The following TFEB variants were observed in gnomAD, a reference collection of about 807,000 sequenced individuals.
TFEB encodes the protein T-cell transcription factor EB.
Under a neutral mutation model 48.0 loss-of-function variants are expected in TFEB, and 12 were observed. The observed-to-expected ratio is 0.25, with a 90% CI of 0.16 to 0.40. The LOEUF (loss-of-function observed/expected upper bound fraction) is 0.40. Among genes scored for constraint, TFEB ranks in the 10% least tolerant of loss-of-function variants. TFEB has a pLI of 1.00. For missense variants in TFEB, 509 were observed against 640.3 expected, an observed-to-expected ratio of 0.79 and a Z score of 2.21; for synonymous variants, 244 against 261.4, an observed-to-expected ratio of 0.93 and a Z score of 0.64.
upstream of TFEB, chr6:41,736,105 G>C: frequency 1.2e-6 from 2 of 1,612,528 alleles, no homozygotes; most frequent in South Asian, 2.2e-5. Context: ...GTAGAAGGCA[G>C]CCTGCCCCCA....
chr6:41,688,944 G>C (rs987204246), intron 4 of TFEB, among the ~76,000 whole-genome samples: 9 of 152,198 alleles, frequency 5.9e-5, no homozygotes, highest in African/African-American at 2.2e-4. Context: ...AGGTTCAGGA[G>C]CTCCAAAGAA....
intron 1 of TFEB, among the ~76,000 whole-genome samples, chr6:41,713,762 A>C (rs1287367635): frequency 6.6e-6 from 1 of 152,160 alleles, no homozygotes; most frequent in Non-Finnish European, 1.5e-5. Flanking sequence ...ACAGGAGCTA[A>C]CTGGCCCTGC....
intron 1 of TFEB, among the ~76,000 whole-genome samples, chr6:41,719,622 G>A (rs1031801490): frequency 6.6e-6 from 1 of 152,210 alleles, no homozygotes; most frequent in South Asian, 2.1e-4. Context: ...TGGCATGCAG[G>A]TCATGTGGCA....
At position 41,719,094 on chromosome 6, in the gene TFEB, T is replaced by C. The variant is rs1446759731; in HGVS notation, c.-23+16256A>G. On this transcript the variant is annotated intron_variant, in intron 1 of 8. Coordinates refer to ENST00000373033, the MANE Select transcript of TFEB (RefSeq NM_001271944.2). ...GCTCCACCTCCTGTCAGATCAGCAGTGGCACTGGATTCTTATAGGAGTGCA... is the reference window on the plus strand; with the variant it reads ...GCTCCACCTCCTGTCAGATCAGCAGCGGCACTGGATTCTTATAGGAGTGCA... Among the ~76,000 whole-genome samples the C allele has an allele frequency of 2.0e-5, 3 of 152,180 alleles. No individual in the cohort carries two copies. In the South Asian group the frequency reaches 6.2e-4, roughly 31 times the overall value.
chr6:41,733,632 G>A, intron 1 of TFEB: 1 of 985,464 alleles, frequency 1.0e-6, no homozygotes, highest in Non-Finnish European at 1.2e-6. Context: ...CGTGGTCCTG[G>A]GGCTGGGGTC....
At position 41,703,772 on chromosome 6, in the gene TFEB, G is replaced by A. The variant is rs186380991; in HGVS notation, c.-22-12537C>T. Among the ~76,000 whole-genome samples the A allele has an allele frequency of 3.0e-3, 451 of 152,348 alleles. 2 individuals carry two copies. The highest frequency in any genetic ancestry group is 5.3e-3 in the Non-Finnish European group (360 of 68,036). ...ACACTGAGTGCGTACTCTGCACCAG[G>A]CACTGTTCTGCATTGATATGTGTTA... On this transcript the variant is annotated intron_variant, in intron 1 of 8. Transcript: ENST00000373033.
intron 4 of TFEB, among the ~76,000 whole-genome samples, 170 bp downstream of exon 4, chr6:41,689,561 C>T (rs1769186296): frequency 6.6e-6 from 1 of 152,232 alleles, no homozygotes; most frequent in Non-Finnish European, 1.5e-5. Flanking sequence ...CATAATTCCT[C>T]TTGGCCCCGG....
chr6:41,719,270 A>G (rs1770877713), intron 1 of TFEB, among the ~76,000 whole-genome samples: 2 of 152,144 alleles, frequency 1.3e-5, no homozygotes, highest in East Asian at 1.9e-4. Context: ...CCAATTGTAC[A>G]TTATGGTGAG....
chr6:41,693,488 A>G (rs1769413096), intron 1 of TFEB, among the ~76,000 whole-genome samples: 1 of 152,114 alleles, frequency 6.6e-6, no homozygotes, highest in Non-Finnish European at 1.5e-5. Context: ...CTCTGAGCCC[A>G]TGCTGGGGAG....
Position 41,687,973 on chromosome 6 carries a change from G to T in TFEB, c.605C>A (p.Ala202Asp). 2 of 1,614,016 alleles carry T rather than the reference G, an allele frequency of 1.2e-6. No individual in the cohort carries two copies. The highest frequency in any genetic ancestry group is 1.7e-6 in the Non-Finnish European group (2 of 1,179,978). ...NVYSSDPQVT[A>D]SLVGVTSSSC... ...GCTGCTGGTGACGCCCACCAGGGAG[G>T]CTGTGACCTGGGGGTCGCTGCTGTA... The change falls in exon 5 of 9, where the codon GCC becomes GAC. Residue 202 changes from alanine (A) to aspartate (D), a missense_variant. Physicochemically the swap from Ala to Asp is moderately radical, Grantham distance 126 (BLOSUM62 -2). Around this residue, in one of 4 missense-constraint regions of TFEB, gnomAD observed 251 missense variants for 317.2 expected, o/e 0.79. Transcript: ENST00000373033.
Position 41,686,159 on chromosome 6 carries a change from C to T in TFEB, c.882G>A (p.Lys294=). ...GAGAGTGGTTCTCCAGCTCCCTGGACTTTTGCAGGTCCTTCTGCATCCTCC... is the reference window on the plus strand; with the variant it reads ...GAGAGTGGTTCTCCAGCTCCCTGGATTTTTGCAGGTCCTTCTGCATCCTCC... ...YIRRMQKDLQ[K]SRELENHSRR... is the part of the protein sequence containing the mutation. Residue 294 remains lysine, a synonymous_variant, in exon 8 of 9, where the codon AAG becomes AAA. Coordinates refer to ENST00000373033, the MANE Select transcript of TFEB (RefSeq NM_001271944.2). The T allele has an allele frequency of 6.2e-7, 1 of 1,614,278 alleles. No homozygotes were observed. The highest frequency in any genetic ancestry group is 8.5e-7 in the Non-Finnish European group (1 of 1,180,054).
rs2127284527 is a variant in TFEB at position 41,735,441 on chromosome 6, G to T, written c.-114C>A. Reference sequence around the variant, plus strand: ...GGTGCCTGGCCCGCAAGCTGTGCCCGCCACCTGCTCCCGGCCTGCTCCGGC... The same window carrying T: ...GGTGCCTGGCCCGCAAGCTGTGCCCTCCACCTGCTCCCGGCCTGCTCCGGC... On this transcript the variant is annotated 5_prime_UTR_variant, in exon 1 of 9. Coordinates refer to ENST00000373033, the MANE Select transcript of TFEB (RefSeq NM_001271944.2). 4 of 985,052 alleles carry T rather than the reference G, an allele frequency of 4.1e-6. No individual in the cohort carries two copies. In the South Asian group the frequency reaches 1.9e-4, roughly 46 times the overall value. The allele number at this position is 985,052 out of a possible 1,614,324, so 61.0% of individuals were successfully genotyped here. A position where few individuals can be genotyped will look rare whatever the true frequency, so the allele number is the denominator to read the frequency against.
intron 1 of TFEB, among the ~76,000 whole-genome samples, chr6:41,729,899 C>T (rs912019704): frequency 1.3e-5 from 2 of 152,196 alleles, no homozygotes; most frequent in Non-Finnish European, 2.9e-5. Context: ...AGCTGCAAAG[C>T]GGCAGGACCC....
intron 1 of TFEB, among the ~76,000 whole-genome samples, chr6:41,715,643 C>T (rs889376994): frequency 1.3e-5 from 2 of 151,524 alleles, no homozygotes; most frequent in Non-Finnish European, 2.9e-5. Flanking sequence ...GCACTCCAGC[C>T]TGGGCGACAG....
intron 1 of TFEB, among the ~76,000 whole-genome samples, chr6:41,694,925 C>T (rs1364762297): frequency 1.3e-5 from 2 of 152,120 alleles, no homozygotes; most frequent in Non-Finnish European, 2.9e-5. Context: ...GAATCCCTGC[C>T]TCTCCCCAAT....
chr6:41,711,199 C>G (rs1770460106), intron 1 of TFEB, among the ~76,000 whole-genome samples: 1 of 152,220 alleles, frequency 6.6e-6, no homozygotes, highest in African/African-American at 2.4e-5. Flanking sequence ...GTAGGAAATA[C>G]TACTGTACTC....
At chr6:41,703,610 T>C (rs2127458067) in intron 1 of TFEB, among the ~76,000 whole-genome samples, 2 of 152,348 alleles carry the variant, frequency 1.3e-5, no homozygotes, top group South Asian at 4.1e-4. Flanking sequence ...CAGGTCTTCC[T>C]AAACAAAAGA....
intron 7 of TFEB, chr6:41,686,490 C>CCAG (rs571100128): frequency 0.012 from 4,222 of 366,078 alleles, 45 homozygotes; most frequent in Non-Finnish European, 0.017. Context: ...TACCAAGACT[C>CCAG]CAGCCCAGCC....
At chr6:41,718,788 G>A (rs1266950257) in intron 1 of TFEB, among the ~76,000 whole-genome samples, 1 of 151,750 alleles carries the variant, frequency 6.6e-6, no homozygotes, top group African/African-American at 2.4e-5. Flanking sequence ...CAACTCAAAT[G>A]CCTGCAGGGG....
Sources: allele counts gnomAD v4.1 joint callset (sites outside exome capture counted in the v4.1 genomes callset), GRCh38; gene constraint gnomAD v4.1.1; regional missense constraint gnomAD v4.1.1; transcripts MANE v1.5; gene names NCBI Gene and HGNC (gene_info 2026-07-23, HGNC 2026-07-21).